XRN2: variants seen among roughly 807,000 people sequenced by gnomAD.
XRN2 encodes the protein 5'-3' exoribonuclease 2, also known as DHM1-like protein.
Under a neutral mutation model 138.5 loss-of-function variants are expected in XRN2, and 44 were observed. The ratio of observed to expected loss-of-function variants is 0.32; its 90% CI spans 0.25 to 0.41. The LOEUF is 0.41. XRN2 is among the 10% of genes least tolerant of loss of function. The pLI is 1.00. For missense variants in XRN2, 937 were observed against 1,169.3 expected, an observed-to-expected ratio of 0.80 and a Z score of 2.90; for synonymous variants, 354 against 369.4, an observed-to-expected ratio of 0.96 and a Z score of 0.48.
chr20:21,333,965 A>G lies in XRN2; in HGVS notation c.1096A>G (p.Ile366Val), dbSNP rs1156949638. Residue 366 changes from isoleucine to valine, a missense_variant, in exon 12 of 30, where the codon ATA becomes GTA. Physicochemically the swap from Ile to Val is conservative, Grantham distance 29 (BLOSUM62 3). This residue lies in a region of XRN2 where 471 missense variants were observed against 581.2 expected (regional missense o/e 0.81). Transcript: ENST00000377191. ...RENAIDRLVN[I>V]YKNVVHKTGG... ...AAATGCAATTGACCGTTTGGTTAAC[A>G]TATACAAAAATGTGGTACACAAAAC... The G allele has an allele frequency of 6.2e-7, 1 of 1,614,168 alleles. No individual in the cohort carries two copies. The highest frequency in any genetic ancestry group is 1.3e-5 in the African/African-American group (1 of 75,064).
intron 24 of XRN2, 56 bp from the exon 25 acceptor site, chr20:21,365,364 CA>C: frequency 6.5e-7 from 1 of 1,544,044 alleles, no homozygotes; most frequent in Non-Finnish European, 8.9e-7. Flanking sequence ...CCTCAGTCTA[CA>C]TGATAAGACA....
In XRN2 at chr20:21,331,399, T is replaced by TCACACACA. The variant is rs71806398; in HGVS notation, c.577-130_577-123dup. ...TTCAGTGAAGTAGTTTTGGTGTTTTTCACACACACACACACACACACACAC... is the reference window on the plus strand; with the variant it reads ...TTCAGTGAAGTAGTTTTGGTGTTTTTCACACACACACACACACACACACACACACACAC... On this transcript the variant is annotated intron_variant, in intron 6 of 29. Transcript: ENST00000377191. Among the ~76,000 whole-genome samples the TCACACACA allele has an allele frequency of 2.3e-3, 328 of 144,044 alleles. 1 individual carries two copies. Among genetic ancestry groups the TCACACACA allele is most frequent in the African/African-American group, 4.8e-3 (186 of 38,822 alleles). 94.5% of individuals were successfully genotyped at this position (144,044 alleles called of 152,430 possible).
At chr20:21,341,463 G>C (rs2038371171) in intron 15 of XRN2, among the ~76,000 whole-genome samples, 1 of 152,146 alleles carries the variant, frequency 6.6e-6, no homozygotes, top group African/African-American at 2.4e-5. Flanking sequence ...TATTTGCCTT[G>C]TGGTATTCTT....
At chr20:21,325,237 C>T (rs2038107557) in intron 1 of XRN2, among the ~76,000 whole-genome samples, 1 of 152,092 alleles carries the variant, frequency 6.6e-6, no homozygotes, top group Non-Finnish European at 1.5e-5. Flanking sequence ...TTTTAAGTGA[C>T]TTTTATTGTT....
chr20:21,319,754 A>G (rs755370503), intron 1 of XRN2, among the ~76,000 whole-genome samples: 1 of 152,130 alleles, frequency 6.6e-6, no homozygotes, highest in Non-Finnish European at 1.5e-5. Flanking sequence ...ATATATTGAC[A>G]TAATCCAACA....
intron 26 of XRN2, among the ~76,000 whole-genome samples, chr20:21,367,014 T>C (rs893833948): frequency 6.6e-6 from 1 of 152,186 alleles, no homozygotes; most frequent in African/African-American, 2.4e-5. Flanking sequence ...CTTTTTCAAG[T>C]GTTAACCAAT....
chr20:21,381,216 G>A (rs2038879206), intron 27 of XRN2, among the ~76,000 whole-genome samples: 2 of 152,144 alleles, frequency 1.3e-5, no homozygotes, highest in Admixed American at 6.5e-5. Flanking sequence ...GGAGGTTACT[G>A]TCCTCACATG....
intron 1 of XRN2, among the ~76,000 whole-genome samples, chr20:21,317,337 G>T (rs998258155): frequency 4.0e-5 from 6 of 151,244 alleles, no homozygotes; most frequent in African/African-American, 7.3e-5. Flanking sequence ...TGGATTTTTC[G>T]AACGCTTTTT....
At chr20:21,339,647 A>C in intron 14 of XRN2, among the ~76,000 whole-genome samples, 1 of 152,156 alleles carries the variant, frequency 6.6e-6, no homozygotes, top group East Asian at 1.9e-4. Flanking sequence ...GTAACCTCTG[A>C]ATGGATTTTT....
At chr20:21,323,436 G>C (rs1223555118) in intron 1 of XRN2, among the ~76,000 whole-genome samples, 1 of 152,154 alleles carries the variant, frequency 6.6e-6, no homozygotes, top group Non-Finnish European at 1.5e-5. Flanking sequence ...GTTCAGAGTG[G>C]CTCTCCTTTT....
intron 1 of XRN2, among the ~76,000 whole-genome samples, chr20:21,320,578 C>T (rs1306165127): frequency 1.3e-5 from 2 of 151,086 alleles, no homozygotes; most frequent in Admixed American, 6.6e-5. Flanking sequence ...GGATTACAGG[C>T]GTGAGCCACC....
intron 17 of XRN2, 133 bp from the exon 18 acceptor site, chr20:21,348,013 G>A: frequency 1.4e-6 from 1 of 701,698 alleles, no homozygotes; most frequent in Non-Finnish European, 2.2e-6. Flanking sequence ...ATCAGTATTT[G>A]GAATATATGC....
intron 24 of XRN2, among the ~76,000 whole-genome samples, chr20:21,359,492 C>T (rs1300460502): frequency 1.3e-5 from 2 of 149,920 alleles, no homozygotes; most frequent in African/African-American, 2.5e-5. Flanking sequence ...GCCAAGATCA[C>T]ACCACTTGGG....
At chr20:21,304,526 CA>C (rs1348611789) in intron 1 of XRN2, among the ~76,000 whole-genome samples, 1 of 152,038 alleles carries the variant, frequency 6.6e-6, no homozygotes, top group Non-Finnish European at 1.5e-5. Context: ...GTGGGTTAAA[CA>C]AAAAGCAACA....
intron 1 of XRN2, among the ~76,000 whole-genome samples, chr20:21,312,448 T>A (rs2122165863): frequency 6.6e-6 from 1 of 152,180 alleles, no homozygotes; most frequent in South Asian, 2.1e-4. Flanking sequence ...TATTAAGAAC[T>A]CTTTACTGAT....
intron 29 of XRN2, 39 bp from the exon 30 acceptor site, chr20:21,389,234 C>CG: frequency 6.4e-7 from 1 of 1,566,854 alleles, no homozygotes; most frequent in Non-Finnish European, 8.7e-7. Context: ...GCAGGAGTAT[C>CG]GGTCCAGAAA....
intron 4 of XRN2, 83 bp downstream of exon 4, chr20:21,328,753 G>A: frequency 1.6e-6 from 2 of 1,215,976 alleles, no homozygotes; most frequent in South Asian, 1.3e-5. Context: ...TTCTTACAAA[G>A]AGGCAAGCTT....
chr20:21,363,495 A>T (rs986399492), intron 24 of XRN2, among the ~76,000 whole-genome samples: 31 of 152,290 alleles, frequency 2.0e-4, no homozygotes, highest in African/African-American at 7.2e-4. Context: ...TGCCTGTCCT[A>T]CCTTGCCCTG....
At chr20:21,354,926 T>G (rs2038558154) in intron 21 of XRN2, 54 bp downstream of exon 21, 1 of 1,410,292 alleles carries the variant, frequency 7.1e-7, no homozygotes, top group Non-Finnish European at 9.7e-7. Context: ...CACTTTATAT[T>G]TCTGTATAAA....
Sources: allele counts gnomAD v4.1 joint callset (sites outside exome capture counted in the v4.1 genomes callset), GRCh38; gene constraint gnomAD v4.1.1; regional missense constraint gnomAD v4.1.1; transcripts MANE v1.5; gene names NCBI Gene and HGNC (gene_info 2026-07-23, HGNC 2026-07-21).